KIAA1217: variants seen among roughly 807,000 people sequenced by gnomAD.
KIAA1217 encodes sickle tail protein homolog.
KIAA1217 carries 88 observed loss-of-function variants against 163.9 expected under a neutral mutation model. That is an observed-to-expected ratio of 0.54 (90% CI 0.45 to 0.64). The LOEUF is 0.64. Among genes scored for constraint, KIAA1217 ranks in the 30% least tolerant of loss-of-function variants. The pLI, the probability that KIAA1217 is intolerant of heterozygous loss-of-function variation, is 0.00. For synonymous variants in KIAA1217, 903 were observed against 923.1 expected, an observed-to-expected ratio of 0.98 and a Z score of 0.39; for missense variants, 2,372 against 2,475.0, an observed-to-expected ratio of 0.96 and a Z score of 0.88.
At chr10:24,478,225 C>T (rs938073903) in intron 6 of KIAA1217, among the ~76,000 whole-genome samples, 6 of 152,164 alleles carry the variant, frequency 3.9e-5, no homozygotes, top group Non-Finnish European at 8.8e-5. Flanking sequence ...CACATGCATA[C>T]TTTGAAGACA....
intron 16 of KIAA1217, among the ~76,000 whole-genome samples, chr10:24,533,723 C>T (rs978729919): frequency 5.1e-4 from 78 of 152,310 alleles, no homozygotes; most frequent in African/African-American, 1.1e-3. Flanking sequence ...ATATCAATGT[C>T]ATCTTTTCAG....
At chr10:24,014,646 C>T (rs753271202) in intron 2 of KIAA1217, among the ~76,000 whole-genome samples, 3 of 152,146 alleles carry the variant, frequency 2.0e-5, no homozygotes, top group Non-Finnish European at 2.9e-5. Context: ...GCATCTAACT[C>T]GTGAGCTTCA....
At chr10:24,322,538 A>G (rs1590953419) in intron 2 of KIAA1217, among the ~76,000 whole-genome samples, 1 of 152,180 alleles carries the variant, frequency 6.6e-6, no homozygotes, top group African/African-American at 2.4e-5. Flanking sequence ...TGATAGAAAT[A>G]CCAGACACTG....
chr10:24,082,418 C>T (rs1020220525), intron 2 of KIAA1217, among the ~76,000 whole-genome samples: 6 of 152,022 alleles, frequency 3.9e-5, no homozygotes, highest in African/African-American at 1.4e-4. Flanking sequence ...CCTAACAGGC[C>T]CCAGTGTGTG....
intron 2 of KIAA1217, among the ~76,000 whole-genome samples, chr10:24,116,128 GC>G (rs1165823827): frequency 1.3e-5 from 2 of 151,898 alleles, no homozygotes; most frequent in South Asian, 2.1e-4. Flanking sequence ...GATCCATCTT[GC>G]CCCCTGGGAT....
intron 3 of KIAA1217, among the ~76,000 whole-genome samples, chr10:24,387,639 G>T (rs2054196951): frequency 6.6e-6 from 1 of 152,184 alleles, no homozygotes; most frequent in Non-Finnish European, 1.5e-5. Context: ...TGACATGACT[G>T]TATATTTAAA....
chr10:23,745,679 C>G (rs1305381447), intron 1 of KIAA1217, among the ~76,000 whole-genome samples: 1 of 152,044 alleles, frequency 6.6e-6, no homozygotes, highest in Non-Finnish European at 1.5e-5. Context: ...CTATTTGTAA[C>G]TGTACTTGGC....
At chr10:24,117,187 A>G (rs533696898) in intron 2 of KIAA1217, among the ~76,000 whole-genome samples, 5 of 152,080 alleles carry the variant, frequency 3.3e-5, no homozygotes, top group Admixed American at 3.3e-4. Context: ...ACAGGCATGT[A>G]CCACCATGCC....
intron 2 of KIAA1217, among the ~76,000 whole-genome samples, chr10:24,346,000 C>T (rs1183986751): frequency 6.6e-6 from 1 of 152,166 alleles, no homozygotes; most frequent in African/African-American, 2.4e-5. Context: ...AACCACCATT[C>T]TACTTTCTGT....
In KIAA1217 at chr10:24,436,018, G is replaced by A. The variant is rs545048010; in HGVS notation, c.753-2368G>A. Reference sequence around the variant, plus strand: ...TGGGACTACAGGTGTGCGCCACCACGCCAGGCTAATTTTTGTATTTTTAGT... The same window carrying A: ...TGGGACTACAGGTGTGCGCCACCACACCAGGCTAATTTTTGTATTTTTAGT... On this transcript the variant is annotated intron_variant, in intron 4 of 20. Transcript: ENST00000376454. Among the ~76,000 whole-genome samples, 8 of 151,796 alleles carry A rather than the reference G, an allele frequency of 5.3e-5. No homozygotes were observed. The South Asian group carries it at 6.2e-4, about 12-fold the overall frequency.
chr10:24,387,380 A>G (rs2054156736), intron 3 of KIAA1217, among the ~76,000 whole-genome samples: 3 of 152,234 alleles, frequency 2.0e-5, no homozygotes, highest in South Asian at 4.1e-4. Context: ...CTTTCAATAA[A>G]CTAGGTATTG....
chr10:24,429,479 T>C (rs1326008067), intron 3 of KIAA1217, among the ~76,000 whole-genome samples: 1 of 152,206 alleles, frequency 6.6e-6, no homozygotes, highest in Admixed American at 6.5e-5. Context: ...TGTTTCATAT[T>C]GCTCTTCTCT....
chr10:24,314,868 C>T (rs1296081977), intron 2 of KIAA1217, among the ~76,000 whole-genome samples: 1 of 152,082 alleles, frequency 6.6e-6, no homozygotes, highest in Non-Finnish European at 1.5e-5. Context: ...GGCGTGAACC[C>T]AGGAGGCAGA....
rs1231647137 is a variant in KIAA1217 at position 24,513,798 on chromosome 10, A to C, written c.2177+364A>C. On this transcript the variant is annotated intron_variant, in intron 10 of 20. Transcript: ENST00000376454. Reference sequence around the variant, plus strand: ...AGATCCTGTCTCTTAAAAAAAAAAAAAAAACAGAGAGAGTTGCAGCTTCAT... The same window carrying C: ...AGATCCTGTCTCTTAAAAAAAAAAACAAAACAGAGAGAGTTGCAGCTTCAT... Among the ~76,000 whole-genome samples the C allele has an allele frequency of 2.6e-5, 4 of 151,860 alleles. 1 individual carries two copies. The highest frequency in any genetic ancestry group is 2.6e-4 in the Admixed American group (4 of 15,242).
intron 2 of KIAA1217, among the ~76,000 whole-genome samples, chr10:24,315,083 T>A (rs570081881): frequency 6.6e-6 from 1 of 152,238 alleles, no homozygotes; most frequent in East Asian, 1.9e-4. Flanking sequence ...CCCTGGAGCA[T>A]CTCTGGAAGG....
intron 2 of KIAA1217, among the ~76,000 whole-genome samples, chr10:24,133,240 G>A (rs905019325): frequency 6.6e-5 from 10 of 152,112 alleles, no homozygotes; most frequent in Admixed American, 2.0e-4. Context: ...GAAAGGATCA[G>A]TGTTAAATAT....
At chr10:23,954,183 G>A (rs79150269) in intron 1 of KIAA1217, among the ~76,000 whole-genome samples, 2,945 of 152,218 alleles carry the variant, frequency 0.019, 57 homozygotes, top group Admixed American at 0.063. Context: ...TCTTCTTCTA[G>A]TAAGTCAATA....
Position 23,827,059 on chromosome 10 carries a change from A to T in KIAA1217, c.-321+131825A>T, listed in dbSNP as rs1428669349. ...GGTGAAGAGGGAGATCAGCACACAAATTCAGGAAAGTGAGGCAGAATTAAG... is the reference window on the plus strand; with the variant it reads ...GGTGAAGAGGGAGATCAGCACACAATTTCAGGAAAGTGAGGCAGAATTAAG... On this transcript the variant is annotated intron_variant, in intron 1 of 18. Transcript: ENST00000376462. Among the ~76,000 whole-genome samples, 5 of 152,172 alleles carry T rather than the reference A, an allele frequency of 3.3e-5. No homozygotes were observed. In the East Asian group the frequency reaches 7.7e-4, roughly 23 times the overall value.
intron 1 of KIAA1217, among the ~76,000 whole-genome samples, chr10:23,729,818 G>A (rs1307161590): frequency 6.6e-6 from 1 of 152,014 alleles, no homozygotes; most frequent in Non-Finnish European, 1.5e-5. Flanking sequence ...TTTCTTTCAT[G>A]GATCATTCCT....
Sources: gnomAD v4.1 joint callset for allele counts (sites outside exome capture counted in the v4.1 genomes callset) on GRCh38, gnomAD v4.1.1 for gene constraint, MANE v1.5 for transcripts, NCBI Gene and HGNC (gene_info 2026-07-23, HGNC 2026-07-21) for gene names.